LRRC63: variants seen among roughly 807,000 people sequenced by gnomAD.
LRRC63 encodes the protein leucine-rich repeat-containing protein 63.
In LRRC63, 40 loss-of-function variants were observed where a neutral mutation model predicts 49.5. The observed-to-expected ratio is 0.81, with a 90% CI of 0.63 to 1.05. The LOEUF (loss-of-function observed/expected upper bound fraction) is 1.05. LRRC63 is among the 50% of genes least tolerant of loss of function. LRRC63 has a pLI of 0.00. For missense variants in LRRC63, 636 were observed against 663.1 expected (o/e 0.96, Z 0.45); for synonymous variants, 191 against 221.1 (o/e 0.86, Z 1.21).
chr13:46,218,967 A>T (rs1339771211), intron 2 of LRRC63, among the ~76,000 whole-genome samples: 1 of 152,174 alleles, frequency 6.6e-6, no homozygotes, highest in Non-Finnish European at 1.5e-5. Context: ...CTGCAGAGAG[A>T]TCCGCTGTTA....
Position 46,274,497 on chromosome 13 carries a change from A to G in LRRC63, c.1551-2093A>G, listed in dbSNP as rs547161056. 1.6e-4 allele frequency among the ~76,000 whole-genome samples: 24 copies of G among 152,330 alleles called. No individual in the cohort carries two copies. In the South Asian group the frequency reaches 4.1e-3, roughly 26 times the overall value. On this transcript the variant is annotated intron_variant, in intron 9 of 9. Transcript: ENST00000595396. The stretch of plus-strand genomic sequence containing the variant: ...AAGCTCAGCTACTGCTGTCACTCCA[A>G]TGGCTGCCCTGTCAATTAGCAGCTA...
chr13:46,266,415 C>G (rs1273033758), intron 8 of LRRC63, among the ~76,000 whole-genome samples: 2 of 152,022 alleles, frequency 1.3e-5, no homozygotes, highest in African/African-American at 4.8e-5. Context: ...TCATACTATA[C>G]CATATTTTAT....
rs773771645 is a variant in LRRC63 at position 46,270,510 on chromosome 13, T to C, written c.1550+3538T>C. 2.1e-5 allele frequency: 17 copies of C among 791,308 alleles called. 1 individual carries two copies. The highest frequency in any genetic ancestry group is 3.2e-5 in the Non-Finnish European group (14 of 433,244). 49.0% of individuals were successfully genotyped at this position (791,308 alleles called of 1,614,324 possible). On this transcript the variant is annotated intron_variant, in intron 9 of 9. Coordinates refer to ENST00000595396, the Ensembl canonical transcript of LRRC63. The stretch of plus-strand genomic sequence containing the variant: ...GCCATCACTGAAGGCTACATTGCAG[T>C]TGAGTTACCCAAATTTGAAGAAAGT...
rs188284756 is a variant in LRRC63 at position 46,215,041 on chromosome 13, T to G, written c.85+1922T>G. On this transcript the variant is annotated intron_variant, in intron 2 of 9. Coordinates refer to ENST00000595396, the Ensembl canonical transcript of LRRC63. ...CAGGCATTTGGGTTGGTTCCATGTA[T>G]TTGCTATTGTGAACAGTGCTGCAAT... Among the ~76,000 whole-genome samples the G allele has an allele frequency of 2.6e-4, 39 of 152,354 alleles. No homozygotes were observed. In the East Asian group the frequency reaches 7.3e-3, roughly 29 times the overall value.
chr13:46,271,364 C>A (rs1450394584), intron 9 of LRRC63, among the ~76,000 whole-genome samples: 1 of 152,178 alleles, frequency 6.6e-6, no homozygotes, highest in Non-Finnish European at 1.5e-5. Flanking sequence ...ACCAAAAAGT[C>A]TAGTCCCAGC....
At chr13:46,253,311 G>T (rs1008418511) in intron 7 of LRRC63, among the ~76,000 whole-genome samples, 2 of 151,878 alleles carry the variant, frequency 1.3e-5, no homozygotes, top group Non-Finnish European at 2.9e-5. Context: ...TAAATACTGG[G>T]CTCTGTCCTA....
In LRRC63 at chr13:46,212,713, A is replaced by G. The variant is rs1051867399; in HGVS notation, c.-33-289A>G. Among the ~76,000 whole-genome samples, 4 of 152,240 alleles carry G rather than the reference A, an allele frequency of 2.6e-5. No individual in the cohort carries two copies. The East Asian group carries it at 7.7e-4, about 29-fold the overall frequency. On this transcript the variant is annotated intron_variant, in intron 1 of 9. Transcript: ENST00000595396. ...TAGTTGAAATAGCATTGGCAAATTG[A>G]ACTTTGTACTAACATGGAAAATTGT...
intron 6 of LRRC63, among the ~76,000 whole-genome samples, chr13:46,247,483 A>G (rs1381571667): frequency 6.6e-6 from 1 of 152,200 alleles, no homozygotes; most frequent in Non-Finnish European, 1.5e-5. Flanking sequence ...ACTAAAAAAT[A>G]AATGTGTGAA....
chr13:46,217,212 G>C (rs1263973691), intron 2 of LRRC63, among the ~76,000 whole-genome samples: 1 of 152,198 alleles, frequency 6.6e-6, no homozygotes, highest in Non-Finnish European at 1.5e-5. Flanking sequence ...ACATCTGGTA[G>C]AATTCGGCTG....
rs2047449648 is a variant in LRRC63 at position 46,254,042 on chromosome 13, C to A, written c.1226+3551C>A. Reference sequence around the variant, plus strand: ...AAGAGAACCAAGAGTATCATGGAAGCCAGGGAAGTGGATTATTTTGAAAAA... The same window carrying A: ...AAGAGAACCAAGAGTATCATGGAAGACAGGGAAGTGGATTATTTTGAAAAA... On this transcript the variant is annotated intron_variant, in intron 7 of 9. Transcript: ENST00000595396. Among the ~76,000 whole-genome samples the A allele has an allele frequency of 2.0e-5, 3 of 151,962 alleles. No individual in the cohort carries two copies. In the South Asian group the frequency reaches 6.2e-4, roughly 32 times the overall value.
At chr13:46,269,790 AT>A (rs1184995237) in intron 9 of LRRC63, among the ~76,000 whole-genome samples, 1 of 148,080 alleles carries the variant, frequency 6.8e-6, no homozygotes, top group Non-Finnish European at 1.5e-5. Context: ...GTTGAATAAT[AT>A]ATATATATTA....
rs1308695649 is a variant in LRRC63, at chr13:46,276,221, C to T, written c.1551-369C>T. ...TTTAAATGATATATTTATTTTGTAT[C>T]ATAAAAAATAACATGTTTATTATAA... On this transcript the variant is annotated intron_variant, in intron 9 of 9. Transcript: ENST00000595396. 2.7e-5 allele frequency among the ~76,000 whole-genome samples: 4 copies of T among 150,332 alleles called. No homozygotes were observed. In the East Asian group the frequency reaches 7.7e-4, roughly 29 times the overall value.
At chr13:46,242,014 C>T (rs1274406359) in intron 5 of LRRC63, among the ~76,000 whole-genome samples, 1 of 151,936 alleles carries the variant, frequency 6.6e-6, no homozygotes, top group Non-Finnish European at 1.5e-5. Flanking sequence ...GGGACACATG[C>T]GTATGCTTAT....
At chr13:46,228,177 C>A in exon 3 of LRRC63, 8 of 1,545,224 alleles carry the variant, frequency 5.2e-6, no homozygotes, top group Non-Finnish European at 7.0e-6. Context: ...ACCTCACAGG[C>A]AGTCTGTGAT....
chr13:46,230,491 G>T (rs963403886), intron 4 of LRRC63, among the ~76,000 whole-genome samples: 3 of 152,200 alleles, frequency 2.0e-5, no homozygotes, highest in African/African-American at 4.8e-5. Flanking sequence ...GAAGCCGACT[G>T]TGTAGCTTTC....
At chr13:46,254,981 T>A (rs1294327073) in intron 7 of LRRC63, among the ~76,000 whole-genome samples, 3 of 152,228 alleles carry the variant, frequency 2.0e-5, no homozygotes, top group African/African-American at 7.2e-5. Flanking sequence ...CTAATTGTTT[T>A]TATTCGCAAT....
intron 7 of LRRC63, among the ~76,000 whole-genome samples, chr13:46,260,484 T>G (rs1181206589): frequency 6.6e-6 from 1 of 152,208 alleles, no homozygotes; most frequent in Non-Finnish European, 1.5e-5. Flanking sequence ...AGACAGCATG[T>G]AAGGCACTGG....
At chr13:46,238,043 C>A (rs1198492842) in intron 5 of LRRC63, among the ~76,000 whole-genome samples, 1 of 151,946 alleles carries the variant, frequency 6.6e-6, no homozygotes, top group Non-Finnish European at 1.5e-5. Flanking sequence ...CAACAAAGAT[C>A]AAAAAAGACA....
At chr13:46,233,979 C>T (rs2046835241) in intron 4 of LRRC63, among the ~76,000 whole-genome samples, 1 of 152,086 alleles carries the variant, frequency 6.6e-6, no homozygotes, top group East Asian at 1.9e-4. Flanking sequence ...GATAATGGTG[C>T]ATTTAAAATT....
Sources: gnomAD v4.1 joint callset for allele counts (sites outside exome capture counted in the v4.1 genomes callset) on GRCh38, gnomAD v4.1.1 for gene constraint, MANE v1.5 for transcripts, NCBI Gene and HGNC (gene_info 2026-07-23, HGNC 2026-07-21) for gene names.